BCKDHB: variants seen among roughly 807,000 people sequenced by gnomAD.
BCKDHB encodes the protein branched chain keto acid dehydrogenase E1 subunit beta.
Under a neutral mutation model 48.5 loss-of-function variants are expected in BCKDHB, and 41 were observed. That is an observed-to-expected ratio of 0.85 (90% CI 0.66 to 1.10). The LOEUF is 1.10. Among genes scored for constraint, BCKDHB ranks in the 50% least tolerant of loss-of-function variants. The pLI is 0.00. For synonymous variants in BCKDHB, 201 were observed against 174.8 expected (o/e 1.15, Z -1.18); for missense variants, 496 against 494.2 (o/e 1.00, Z -0.03).
chr6:80,450,304 T>G, the BCKDHB span, among the ~76,000 whole-genome samples: 22 of 152,288 alleles, frequency 1.4e-4, no homozygotes, highest in African/African-American at 5.1e-4. Context: ...CTGCTTTGAG[T>G]GTATTAATCA....
the BCKDHB span, among the ~76,000 whole-genome samples, chr6:80,448,831 G>C: frequency 6.6e-6 from 1 of 152,042 alleles, no homozygotes; most frequent in African/African-American, 2.4e-5. Flanking sequence ...TACCTATTGG[G>C]TACTATGCTC....
the BCKDHB span, among the ~76,000 whole-genome samples, chr6:80,352,841 G>C: frequency 6.6e-6 from 1 of 152,224 alleles, no homozygotes; most frequent in East Asian, 1.9e-4. Flanking sequence ...CCTTCCCTTA[G>C]GCCAGAAAAA....
At chr6:80,425,555 A>G in the BCKDHB span, among the ~76,000 whole-genome samples, 2 of 152,234 alleles carry the variant, frequency 1.3e-5, no homozygotes, top group East Asian at 1.9e-4. Context: ...TAACGGAAAG[A>G]TCTAAAATAG....
At chr6:80,150,855 C>T (rs747441745) in intron 3 of BCKDHB, among the ~76,000 whole-genome samples, 11 of 152,142 alleles carry the variant, frequency 7.2e-5, no homozygotes, top group South Asian at 4.1e-4. Flanking sequence ...CCACACCCAG[C>T]CTCATCTTTT....
In BCKDHB at chr6:80,286,992, A is replaced by C. The variant is rs113224086; in HGVS notation, c.1038+13771A>C. On this transcript the variant is annotated intron_variant, in intron 9 of 9. Transcript: ENST00000320393. The stretch of plus-strand genomic sequence containing the variant: ...AATTTTCTTTCAAAAAGAAATGTTC[A>C]GAAATATACAGTAAGTGACCATAGT... 1.7e-3 allele frequency among the ~76,000 whole-genome samples: 260 copies of C among 152,286 alleles called. 1 individual carries two copies. Among genetic ancestry groups the C allele is most frequent in the Non-Finnish European group, 3.2e-3 (220 of 68,020 alleles).
At chr6:80,396,673 T>C in the BCKDHB span, among the ~76,000 whole-genome samples, 17 of 152,244 alleles carry the variant, frequency 1.1e-4, no homozygotes, top group Admixed American at 3.3e-4. Context: ...CATGCAGCTG[T>C]TCTTGTGATA....
intron 8 of BCKDHB, among the ~76,000 whole-genome samples, chr6:80,235,543 G>A (rs956497325): frequency 6.6e-6 from 1 of 152,144 alleles, no homozygotes. Context: ...TTGAATTAGT[G>A]TCTGAGCTGG....
intron 8 of BCKDHB, among the ~76,000 whole-genome samples, chr6:80,239,333 G>A (rs1298648371): frequency 6.6e-6 from 1 of 151,184 alleles, no homozygotes; most frequent in Non-Finnish European, 1.5e-5. Flanking sequence ...GTTTTGATTT[G>A]CATTTCTCTG....
chr6:80,155,258 CA>C (rs1193402650), intron 3 of BCKDHB, among the ~76,000 whole-genome samples: 1 of 152,056 alleles, frequency 6.6e-6, no homozygotes, highest in African/African-American at 2.4e-5. Flanking sequence ...AATTTTAGGA[CA>C]TTGTCCTCAA....
At chr6:80,185,112 T>C (rs1192678701) in intron 6 of BCKDHB, among the ~76,000 whole-genome samples, 3 of 152,188 alleles carry the variant, frequency 2.0e-5, no homozygotes, top group Non-Finnish European at 4.4e-5. Flanking sequence ...CCCAAATTTC[T>C]TGGAGGCTTT....
chr6:80,215,331 G>C (rs777403002), intron 8 of BCKDHB, among the ~76,000 whole-genome samples: 1 of 152,186 alleles, frequency 6.6e-6, no homozygotes, highest in Non-Finnish European at 1.5e-5. Flanking sequence ...TCTTTGTCAT[G>C]ATCACAACTA....
At chr6:80,110,431 G>A (rs1168092512) in intron 1 of BCKDHB, among the ~76,000 whole-genome samples, 1 of 152,140 alleles carries the variant, frequency 6.6e-6, no homozygotes, top group Non-Finnish European at 1.5e-5. Flanking sequence ...TACACAAGGA[G>A]GTCATCCATA....
chr6:80,243,251 C>T (rs889920577), intron 8 of BCKDHB, among the ~76,000 whole-genome samples: 11 of 152,086 alleles, frequency 7.2e-5, no homozygotes, highest in Non-Finnish European at 1.5e-4. Context: ...TATTATGTTT[C>T]ATTCTTCAGC....
chr6:80,300,688 T>A (rs1185284536), intron 9 of BCKDHB, among the ~76,000 whole-genome samples: 3 of 152,170 alleles, frequency 2.0e-5, no homozygotes, highest in Non-Finnish European at 4.4e-5. Flanking sequence ...TCCATCCAAC[T>A]ACTGCAGAAT....
the BCKDHB span, among the ~76,000 whole-genome samples, chr6:80,354,809 C>CTGTA: frequency 6.6e-6 from 1 of 152,218 alleles, no homozygotes; most frequent in Non-Finnish European, 1.5e-5. Flanking sequence ...GATCAGTTAG[C>CTGTA]TGTAAATATG....
At chr6:80,182,875 A>G (rs1773477977) in intron 6 of BCKDHB, among the ~76,000 whole-genome samples, 1 of 152,126 alleles carries the variant, frequency 6.6e-6, no homozygotes, top group African/African-American at 2.4e-5. Context: ...TTTTACCAAT[A>G]TATTTTTGAT....
chr6:80,204,558 T>C (rs1264558397), intron 8 of BCKDHB, among the ~76,000 whole-genome samples: 4 of 152,088 alleles, frequency 2.6e-5, no homozygotes, highest in Non-Finnish European at 4.4e-5. Flanking sequence ...GTATTTTTAG[T>C]GTAGATGGTG....
At chr6:80,397,122 G>GT in the BCKDHB span, among the ~76,000 whole-genome samples, 21 of 152,200 alleles carry the variant, frequency 1.4e-4, no homozygotes, top group East Asian at 3.7e-3. Context: ...ATTTACCTGA[G>GT]TTTTTTGTCA....
At chr6:80,115,220 A>G (rs1196912476) in intron 1 of BCKDHB, among the ~76,000 whole-genome samples, 1 of 151,910 alleles carries the variant, frequency 6.6e-6, no homozygotes, top group African/African-American at 2.4e-5. Flanking sequence ...ATCATCATGT[A>G]GTACAACCCT....
Sources: allele counts gnomAD v4.1 joint callset (sites outside exome capture counted in the v4.1 genomes callset), GRCh38; gene constraint gnomAD v4.1.1; transcripts MANE v1.5; gene names NCBI Gene and HGNC (gene_info 2026-07-23, HGNC 2026-07-21).